OLAH: variants seen among roughly 807,000 people sequenced by gnomAD.
The protein encoded by OLAH is oleoyl-ACP hydrolase.
Under a neutral mutation model 27.8 loss-of-function variants are expected in OLAH, and 33 were observed. The observed-to-expected ratio is 1.19, with a 90% CI of 0.90 to 1.59. The LOEUF (loss-of-function observed/expected upper bound fraction) is 1.59. Ranked by LOEUF, OLAH falls within the 40% of genes most tolerant of loss-of-function variation. The pLI is 0.00. For synonymous variants in OLAH, 120 were observed against 102.9 expected (o/e 1.17, Z -1.01); for missense variants, 359 against 310.8 (o/e 1.16, Z -1.17).
At chr10:15,070,952 A>C (rs1217470821) in intron 6 of OLAH, among the ~76,000 whole-genome samples, 2 of 151,302 alleles carry the variant, frequency 1.3e-5, no homozygotes, top group African/African-American at 4.9e-5. Flanking sequence ...CACCTGGCTA[A>C]TTTTTTTATG....
intron 6 of OLAH, among the ~76,000 whole-genome samples, chr10:15,067,822 A>T (rs958119092): frequency 6.6e-6 from 1 of 152,046 alleles, no homozygotes; most frequent in Non-Finnish European, 1.5e-5. Flanking sequence ...CCCCATCACT[A>T]CCACTAAAGC....
chr10:15,047,213 T>A lies in OLAH; in HGVS notation c.-76T>A, dbSNP rs1844035964. 6.7e-7 allele frequency: 1 copy of A among 1,495,476 alleles called. No homozygotes were observed. The highest frequency in any genetic ancestry group is 1.4e-5 in the African/African-American group (1 of 71,986). 92.6% of individuals were successfully genotyped at this position (1,495,476 alleles called of 1,614,324 possible). A position where few individuals can be genotyped will look rare whatever the true frequency, so the allele number is the denominator to read the frequency against. Reference sequence around the variant, plus strand: ...CATAAGGCCGAGCAGAGGTTCTTCGTCTCAAGAGGAACTGACTTCTGTTGA... The same window carrying A: ...CATAAGGCCGAGCAGAGGTTCTTCGACTCAAGAGGAACTGACTTCTGTTGA... On this transcript the variant is annotated 5_prime_UTR_variant, in exon 2 of 8. Transcript: ENST00000378228.
Position 15,032,856 on chromosome 10 carries a change from C to A in OLAH, c.-164+506C>A, listed in dbSNP as rs1255611053. On this transcript the variant is annotated intron_variant, in intron 1 of 3. Transcript: ENST00000413672. ...AAAAACAACTTCCTTAATTCTGACA[C>A]CTATCAATAAAGAAAAGTTTTTTGT... 2.1e-5 allele frequency among the ~76,000 whole-genome samples: 3 copies of A among 145,336 alleles called. No individual in the cohort carries two copies. In the Admixed American group the frequency reaches 2.1e-4, roughly 10 times the overall value.
intron 4 of OLAH, 40 bp from the exon 5 acceptor site, chr10:15,064,363 G>A (rs567831773): frequency 4.1e-6 from 5 of 1,229,482 alleles, no homozygotes; most frequent in Middle Eastern, 1.9e-4. Context: ...CACGAGTTTT[G>A]CTTAACAGTT....
In OLAH at chr10:15,061,755, C is replaced by T. The variant is rs1844368624; in HGVS notation, c.195C>T (p.Ser65=). The part of the protein sequence containing the change: ...VHSLRLPGRE[S]RVEEPLENDI... ...CCTTAAGGCTTCCTGGAAGAGAAAG[C>T]AGAGTTGAAGAACCTCTTGAAAATG... Residue 65 remains serine (S), a synonymous_variant, in exon 4 of 8, where the codon AGC becomes AGT. Transcript: ENST00000378228. 1 of 1,612,912 alleles carries T rather than the reference C, an allele frequency of 6.2e-7. No individual in the cohort carries two copies. The highest frequency in any genetic ancestry group is 8.5e-7 in the Non-Finnish European group (1 of 1,179,572).
intron 1 of OLAH, among the ~76,000 whole-genome samples, chr10:15,037,915 C>A (rs1057486488): frequency 6.6e-6 from 1 of 152,204 alleles, no homozygotes; most frequent in South Asian, 2.1e-4. Context: ...GAGCCACAGG[C>A]CAGGAACGCT....
intron 3 of OLAH, among the ~76,000 whole-genome samples, chr10:15,058,937 T>TCCTTCC (rs1844300292): frequency 8.6e-6 from 1 of 116,392 alleles, no homozygotes; most frequent in African/African-American, 3.2e-5. Flanking sequence ...CCTCCTTCCC[T>TCCTTCC]CTCTCCTTCC....
At position 15,047,198 on chromosome 10, in the gene OLAH, A is replaced by G; in HGVS notation, c.-91A>G. On this transcript the variant is annotated 5_prime_UTR_variant, in exon 2 of 8. Coordinates refer to ENST00000378228, the MANE Select transcript of OLAH (RefSeq NM_001039702.3). ...TCACTCTTCTGTGTGCATAAGGCCG[A>G]GCAGAGGTTCTTCGTCTCAAGAGGA... 1 of 1,345,160 alleles carries G rather than the reference A, an allele frequency of 7.4e-7. No homozygotes were observed. The highest frequency in any genetic ancestry group is 1.0e-6 in the Non-Finnish European group (1 of 960,576). 83.3% of individuals were successfully genotyped at this position (1,345,160 alleles called of 1,614,324 possible). A position where few individuals can be genotyped will look rare whatever the true frequency, so the allele number is the denominator to read the frequency against.
At chr10:15,061,566 T>A (rs771084951) in intron 3 of OLAH, among the ~76,000 whole-genome samples, 158 bp from the exon 4 acceptor site, 2 of 152,212 alleles carry the variant, frequency 1.3e-5, no homozygotes, top group African/African-American at 2.4e-5. Flanking sequence ...TTCTTGCTTT[T>A]ATTATCAGCA....
At chr10:15,065,789 T>C (rs1844456589) in intron 6 of OLAH, 36 bp downstream of exon 6, 1 of 1,554,244 alleles carries the variant, frequency 6.4e-7, no homozygotes, top group African/African-American at 1.4e-5. Flanking sequence ...CTTTTTTTGG[T>C]ACAATTATTT....
chr10:15,056,989 T>C (rs1256277213), intron 3 of OLAH: 2 of 1,411,264 alleles, frequency 1.4e-6, no homozygotes, highest in East Asian at 5.8e-5. Context: ...TTTAGTAGGT[T>C]TTTTGTGTTG....
intron 4 of OLAH, among the ~76,000 whole-genome samples, chr10:15,063,484 G>A (rs1021429084): frequency 7.2e-5 from 11 of 152,244 alleles, no homozygotes; most frequent in East Asian, 1.9e-4. Context: ...CACTCCATGC[G>A]CAATGAACAT....
Position 15,068,517 on chromosome 10 carries a change from C to T in OLAH, c.572+2764C>T, listed in dbSNP as rs537357283. 8.5e-4 allele frequency among the ~76,000 whole-genome samples: 129 copies of T among 152,202 alleles called. 1 individual carries two copies. Among genetic ancestry groups the T allele is most frequent in the African/African-American group, 2.4e-3 (100 of 41,538 alleles). Reference sequence around the variant, plus strand: ...AAGCAATTCTCCTGCCTCAGCCTCCCGAGTAGCTGGGATTACAGACACGTG... The same window carrying T: ...AAGCAATTCTCCTGCCTCAGCCTCCTGAGTAGCTGGGATTACAGACACGTG... On this transcript the variant is annotated intron_variant, in intron 6 of 7. Coordinates refer to ENST00000378228, the MANE Select transcript of OLAH (RefSeq NM_001039702.3).
chr10:15,034,884 C>T (rs1843818320), intron 1 of OLAH, among the ~76,000 whole-genome samples: 1 of 151,342 alleles, frequency 6.6e-6, no homozygotes, highest in African/African-American at 2.4e-5. Context: ...TCACTGCAAC[C>T]TTCACCTCCC....
rs951764111 is a variant in OLAH, at chr10:15,071,870, C to G, written c.648C>G (p.Asp216Glu). Residue 216 changes from aspartate (D) to glutamate (E), a missense_variant, in exon 7 of 8, where the codon GAC (aspartate) becomes GAG (glutamate). Asp to Glu is a conservative substitution (Grantham distance 45). Coordinates refer to ENST00000378228, the MANE Select transcript of OLAH (RefSeq NM_001039702.3). ...CFVGSEDIAK[D>E]MEAWKDVTSG... ...TTGGATCTGAAGACATAGCAAAGGA[C>G]ATGGAAGGTGAAATTATTTTTAGTC... 8 of 1,608,112 alleles carry G rather than the reference C, an allele frequency of 5.0e-6. No homozygotes were observed. Among genetic ancestry groups the G allele is most frequent in the Admixed American group, 1.7e-5 (1 of 59,960 alleles).
Position 15,064,428 on chromosome 10 carries a change from A to T in OLAH, c.328A>T (p.Thr110Ser). 4 of 1,601,726 alleles carry T rather than the reference A, an allele frequency of 2.5e-6. No individual in the cohort carries two copies. The highest frequency in any genetic ancestry group is 3.4e-6 in the Non-Finnish European group (4 of 1,175,052). ...TATGGGATCCTACATTGCTTTTAGG[A>T]CTGCACTAGGTCTAAAAGAAAACAA... Reference protein sequence around the residue: ...HSMGSYIAFRTALGLKENNQP... With the variant: ...HSMGSYIAFRSALGLKENNQP... Residue 110 changes from threonine (T) to serine (S), a missense_variant, in exon 5 of 8, where the codon ACT (threonine) becomes TCT (serine). Physicochemically the swap from Thr to Ser is moderately conservative, Grantham distance 58. Transcript: ENST00000378228.
chr10:15,049,978 T>C (rs1403455278), intron 3 of OLAH, among the ~76,000 whole-genome samples: 2 of 152,256 alleles, frequency 1.3e-5, no homozygotes, highest in African/African-American at 2.4e-5. Flanking sequence ...TTTTAGGAGA[T>C]GACGTTCTAA....
upstream of OLAH, among the ~76,000 whole-genome samples, chr10:15,041,312 C>T (rs1320342248): frequency 2.7e-5 from 4 of 149,188 alleles, no homozygotes; most frequent in South Asian, 8.4e-4. Context: ...AGTTTTCGCT[C>T]TTGTGGCCCA....
chr10:15,039,906 G>A (rs188231235), upstream of OLAH, among the ~76,000 whole-genome samples: 53 of 152,238 alleles, frequency 3.5e-4, no homozygotes, highest in Non-Finnish European at 6.5e-4. Flanking sequence ...GCCAAGGTAG[G>A]TACCCTTTCT....
Sources: gnomAD v4.1 joint callset for allele counts (sites outside exome capture counted in the v4.1 genomes callset) on GRCh38, gnomAD v4.1.1 for gene constraint, MANE v1.5 for transcripts, NCBI Gene and HGNC (gene_info 2026-07-23, HGNC 2026-07-21) for gene names.